The following PGBD2 variants were observed in gnomAD, a reference collection of about 807,000 sequenced individuals.
PGBD2 encodes the protein piggyBac transposable element-derived protein 2.
PGBD2 carries 6 observed loss-of-function variants against 8.1 expected under a neutral mutation model. That is an observed-to-expected ratio of 0.74 (90% CI 0.40 to 1.46). The LOEUF (loss-of-function observed/expected upper bound fraction) is 1.46, where lower values mean the gene tolerates loss of function less well. PGBD2 is among the 40% of genes most tolerant of loss of function. The pLI, the probability that PGBD2 is intolerant of heterozygous loss-of-function variation, is 0.02. For synonymous variants in PGBD2, 318 were observed against 272.2 expected (o/e 1.17, Z -1.66); for missense variants, 802 against 739.0 (o/e 1.09, Z -0.99).
At chr1:248,926,235 A>T in the PGBD2 span, among the ~76,000 whole-genome samples, 3 of 152,192 alleles carry the variant, frequency 2.0e-5, no homozygotes, top group African/African-American at 7.2e-5. Context: ...ACAGACCACC[A>T]ACTTCAGAAT....
At chr1:248,915,452 A>C (rs1662064036) in intron 2 of PGBD2, among the ~76,000 whole-genome samples, 1 of 152,260 alleles carries the variant, frequency 6.6e-6, no homozygotes, top group Non-Finnish European at 1.5e-5. Flanking sequence ...GCTTTGTGTT[A>C]GATGACTTTT....
chr1:248,883,316 T>G, the PGBD2 span, among the ~76,000 whole-genome samples: 1 of 151,986 alleles, frequency 6.6e-6, no homozygotes, highest in Admixed American at 6.6e-5. Context: ...AGAGATGAGG[T>G]TTCTCCATGT....
At chr1:248,904,177 AT>A (rs893705356), upstream of PGBD2, among the ~76,000 whole-genome samples, 11 of 151,764 alleles carry the variant, frequency 7.2e-5, no homozygotes, top group African/African-American at 2.7e-4. Context: ...TAATTTAAAT[AT>A]TTTCCCCAAT....
chr1:248,918,291 GAC>G lies in PGBD2; in HGVS notation c.1708_1709del (p.Thr570GlnfsTer5). ...RTRCALCHSQ[T>X]NTRCEKCQKG... ...CCCGGTGTGCCCTCTGCCACTCACA[GAC>G]CAACACCCGGTGTGAGAAGTGCCAG... On this transcript the variant is annotated frameshift_variant, in exon 3 of 3. Transcript: ENST00000329291. LOFTEE classifies it high-confidence loss of function. 2 of 1,603,182 alleles carry G rather than the reference GAC, an allele frequency of 1.2e-6. No homozygotes were observed. The highest frequency in any genetic ancestry group is 1.7e-6 in the Non-Finnish European group (2 of 1,174,250).
At chr1:248,897,724 G>C in the PGBD2 span, among the ~76,000 whole-genome samples, 1 of 152,164 alleles carries the variant, frequency 6.6e-6, no homozygotes, top group Non-Finnish European at 1.5e-5. Flanking sequence ...AGGAACCCAA[G>C]GGGCATCTTT....
downstream of PGBD2, among the ~76,000 whole-genome samples, chr1:248,922,260 C>T (rs947089853): frequency 2.0e-5 from 3 of 151,962 alleles, no homozygotes; most frequent in South Asian, 2.1e-4. Context: ...GGGGTTTCAC[C>T]GTGTTAGCCA....
At chr1:248,907,452 C>G (rs1032862450) in intron 1 of PGBD2, among the ~76,000 whole-genome samples, 1 of 152,226 alleles carries the variant, frequency 6.6e-6, no homozygotes. Context: ...AGGCTTTCCT[C>G]TTTTACTAAT....
chr1:248,875,441 G>A, the PGBD2 span, among the ~76,000 whole-genome samples: 3 of 151,760 alleles, frequency 2.0e-5, no homozygotes, highest in Non-Finnish European at 4.4e-5. Flanking sequence ...TTAACATGCT[G>A]TCATATGCTA....
At chr1:248,874,397 A>ATTGCCCTTTG in the PGBD2 span, among the ~76,000 whole-genome samples, 1 of 152,174 alleles carries the variant, frequency 6.6e-6, no homozygotes, top group Admixed American at 6.5e-5. Flanking sequence ...TTGACTTCTA[A>ATTGCCCTTTG]ACAAAGGGCA....
chr1:248,922,503 A>G (rs1258488860), downstream of PGBD2, among the ~76,000 whole-genome samples: 1 of 152,120 alleles, frequency 6.6e-6, no homozygotes, highest in East Asian at 1.9e-4. Flanking sequence ...GTTGAATAGG[A>G]GTGGCAAGAG....
intron 2 of PGBD2, chr1:248,914,321 G>A: frequency 1.2e-6 from 1 of 841,074 alleles, no homozygotes; most frequent in Non-Finnish European, 1.4e-6. Context: ...CTGTGAACTG[G>A]GTGAGGACAG....
the PGBD2 span, among the ~76,000 whole-genome samples, chr1:248,880,871 A>G: frequency 6.6e-6 from 1 of 152,176 alleles, no homozygotes; most frequent in East Asian, 1.9e-4. Flanking sequence ...GTCTATCCCA[A>G]TAATCTTAAA....
chr1:248,907,582 A>G (rs930254255), intron 1 of PGBD2, among the ~76,000 whole-genome samples: 1 of 152,236 alleles, frequency 6.6e-6, no homozygotes, highest in South Asian at 2.1e-4. Context: ...TTTCCAGGGC[A>G]GAGGTCCCTG....
chr1:248,904,744 C>CA (rs1473470727), upstream of PGBD2, among the ~76,000 whole-genome samples: 1 of 152,174 alleles, frequency 6.6e-6, no homozygotes. Context: ...GCTTTTCCCT[C>CA]AAATACAACC....
intron 1 of PGBD2, among the ~76,000 whole-genome samples, chr1:248,907,834 C>A (rs1030555833): frequency 3.9e-5 from 6 of 152,198 alleles, no homozygotes; most frequent in Non-Finnish European, 7.3e-5. Flanking sequence ...AGGTACAGGT[C>A]AAAATGGAAT....
At chr1:248,904,576 CCT>C (rs953742993), upstream of PGBD2, among the ~76,000 whole-genome samples, 9 of 152,280 alleles carry the variant, frequency 5.9e-5, no homozygotes, top group East Asian at 1.2e-3. Flanking sequence ...GAACTCACCC[CCT>C]CTTTGACCTC....
At position 248,916,952 on chromosome 1, in the gene PGBD2, G is replaced by T. The variant is rs1306212804; in HGVS notation, c.368G>T (p.Ser123Ile). 1 of 1,613,560 alleles carries T rather than the reference G, an allele frequency of 6.2e-7. No individual in the cohort carries two copies. Among genetic ancestry groups the T allele is most frequent in the Non-Finnish European group, 8.5e-7 (1 of 1,179,706 alleles). Residue 123 changes from serine to isoleucine, a missense_variant, in exon 3 of 3, where the codon AGT (serine) becomes ATT (isoleucine). Ser to Ile is a moderately radical substitution (Grantham distance 142). Transcript: ENST00000329291. ...AGAGATATTCGTCCAGACTTTGGCAGTTGGACTGCATCAGATCCTCATATT... is the reference window on the plus strand; with the variant it reads ...AGAGATATTCGTCCAGACTTTGGCATTTGGACTGCATCAGATCCTCATATT... ...TKRDIRPDFGSWTASDPHIED... is the reference protein window; with the variant it reads ...TKRDIRPDFGIWTASDPHIED...
chr1:248,893,006 G>T, the PGBD2 span, among the ~76,000 whole-genome samples: 2 of 152,188 alleles, frequency 1.3e-5, no homozygotes, highest in Admixed American at 1.3e-4. Flanking sequence ...AAGACAACTG[G>T]AAGTCTGTTG....
At chr1:248,897,193 C>G in the PGBD2 span, among the ~76,000 whole-genome samples, 1 of 149,384 alleles carries the variant, frequency 6.7e-6, no homozygotes, top group Non-Finnish European at 1.5e-5. Flanking sequence ...TGTGAAGGTG[C>G]TTTTTACCTT....
Sources: allele counts gnomAD v4.1 joint callset (sites outside exome capture counted in the v4.1 genomes callset), GRCh38; gene constraint gnomAD v4.1.1; transcripts MANE v1.5; gene names NCBI Gene and HGNC (gene_info 2026-07-23, HGNC 2026-07-21).